IGF2R: variants seen among roughly 807,000 people sequenced by gnomAD.
IGF2R encodes the protein cation-independent mannose-6-phosphate receptor.
IGF2R carries 91 observed loss-of-function variants against 270.6 expected under a neutral mutation model. The ratio of observed to expected loss-of-function variants is 0.34; its 90% confidence interval spans 0.28 to 0.40. The LOEUF (loss-of-function observed/expected upper bound fraction) is 0.40. Ranked by LOEUF, IGF2R falls within the 10% of genes least tolerant of loss-of-function variation. The pLI, the probability that IGF2R is intolerant of heterozygous loss-of-function variation, is 1.00. For synonymous variants in IGF2R, 1,316 were observed against 1,258.9 expected (o/e 1.05, Z -0.96); for missense variants, 2,805 against 3,188.3 (o/e 0.88, Z 2.90).
chr6:160,007,526 G>A (rs1373295539), intron 2 of IGF2R: 1 of 152,182 alleles, frequency 6.6e-6, no homozygotes, highest in African/African-American at 2.4e-5. Flanking sequence ...GCTTGATCAT[G>A]TCTTGTTCAT....
chr6:160,101,628 A>G (rs1447635467), intron 45 of IGF2R, among the ~76,000 whole-genome samples: 1 of 152,254 alleles, frequency 6.6e-6, no homozygotes, highest in Non-Finnish European at 1.5e-5. Flanking sequence ...GTTGCCTCTT[A>G]TCACCAGCAG....
chr6:160,079,033 C>T (rs957030486), intron 37 of IGF2R, among the ~76,000 whole-genome samples: 1 of 152,158 alleles, frequency 6.6e-6, no homozygotes, highest in African/African-American at 2.4e-5. Context: ...TGTGGCACGG[C>T]GGCTGGTGAG....
intron 2 of IGF2R, among the ~76,000 whole-genome samples, chr6:159,992,708 A>G (rs1207963266): frequency 1.3e-5 from 2 of 152,118 alleles, no homozygotes; most frequent in Admixed American, 6.5e-5. Context: ...GCAATTATGG[A>G]TAGTGCTGTG....
chr6:160,033,497 C>T (rs183182285), intron 9 of IGF2R, among the ~76,000 whole-genome samples: 1 of 151,184 alleles, frequency 6.6e-6, no homozygotes, highest in Non-Finnish European at 1.5e-5. Context: ...CCTTTTCTTC[C>T]TCTTTCCATT....
intron 22 of IGF2R, 147 bp from the exon 23 acceptor site, chr6:160,060,400 A>G (rs1181826064): frequency 2.7e-6 from 2 of 731,342 alleles, no homozygotes; most frequent in Admixed American, 2.5e-5. Flanking sequence ...CCCTCGATAC[A>G]CACTTGGTGC....
intron 19 of IGF2R, among the ~76,000 whole-genome samples, chr6:160,054,495 A>T (rs1258906376): frequency 6.6e-6 from 1 of 152,152 alleles, no homozygotes; most frequent in Non-Finnish European, 1.5e-5. Flanking sequence ...ACAAAAAGGG[A>T]TGGACGTTGT....
At chr6:160,079,124 C>G (rs886526612) in intron 37 of IGF2R, among the ~76,000 whole-genome samples, 1 of 152,188 alleles carries the variant, frequency 6.6e-6, no homozygotes. Flanking sequence ...CAGGTCCTCC[C>G]GACAGGTGTG....
At chr6:160,079,429 C>A in intron 37 of IGF2R, 151 bp from the exon 38 acceptor site, 1 of 493,224 alleles carries the variant, frequency 2.0e-6, no homozygotes, top group Non-Finnish European at 3.2e-6. Context: ...AGCCTAGGGC[C>A]AAGGCGATTG....
At chr6:160,037,287 C>G (rs1163364344) in intron 10 of IGF2R, among the ~76,000 whole-genome samples, 1 of 152,194 alleles carries the variant, frequency 6.6e-6, no homozygotes, top group Non-Finnish European at 1.5e-5. Flanking sequence ...AGCTGGCTCT[C>G]AGGCAGGAGT....
intron 44 of IGF2R, chr6:160,093,818 G>C (rs1779285977): frequency 1.1e-5 from 8 of 733,982 alleles, no homozygotes. Flanking sequence ...GCTGTTAAGG[G>C]TGCTGTGCAT....
chr6:160,073,499 G>A lies in IGF2R; in HGVS notation c.4947+30G>A, dbSNP rs558908388. 3.7e-6 allele frequency: 6 copies of A among 1,610,570 alleles called. No homozygotes were observed. The East Asian group carries it at 1.1e-4, about 30-fold the overall frequency. ...GTTTTCAGATGGGCACGGGAGAAGT[G>A]CATGTCCAGTGCCTGGCTGCACCCG... is the stretch of plus-strand genomic sequence containing the variant. On this transcript the variant is annotated intron_variant, in intron 34 of 47. Coordinates refer to ENST00000356956, the MANE Select transcript of IGF2R (RefSeq NM_000876.4).
intron 12 of IGF2R, among the ~76,000 whole-genome samples, chr6:160,043,888 T>A (rs769812082): frequency 6.6e-6 from 1 of 152,234 alleles, no homozygotes; most frequent in Admixed American, 6.5e-5. Flanking sequence ...GTGAGCCTCG[T>A]TGGATTTTAG....
At chr6:160,085,926 T>TA (rs1386775657) in intron 41 of IGF2R, among the ~76,000 whole-genome samples, 1 of 152,250 alleles carries the variant, frequency 6.6e-6, no homozygotes, top group South Asian at 2.1e-4. Context: ...GGGAGGTTCT[T>TA]ACTGCTTTAG....
At chr6:159,983,533 T>C (rs946367133) in intron 1 of IGF2R, among the ~76,000 whole-genome samples, 10 of 152,070 alleles carry the variant, frequency 6.6e-5, no homozygotes, top group African/African-American at 2.4e-4. Flanking sequence ...GTGTGCTTGG[T>C]TTATATGGTT....
At chr6:160,032,851 A>C in intron 8 of IGF2R, 91 bp from the exon 9 acceptor site, 5 of 1,395,248 alleles carry the variant, frequency 3.6e-6, no homozygotes, top group Non-Finnish European at 4.9e-6. Flanking sequence ...TGTTTCAGAA[A>C]TAGGATTCAG....
At chr6:160,001,366 C>T (rs1429422582) in intron 2 of IGF2R, among the ~76,000 whole-genome samples, 2 of 151,990 alleles carry the variant, frequency 1.3e-5, no homozygotes, top group Non-Finnish European at 2.9e-5. Flanking sequence ...CCAGATGGGA[C>T]CATCTAGTTG....
chr6:160,022,377 G>A (rs1250934927), intron 4 of IGF2R, among the ~76,000 whole-genome samples: 4 of 152,226 alleles, frequency 2.6e-5, no homozygotes, highest in South Asian at 2.1e-4. Context: ...AACTGCACTC[G>A]GTCCTCCTAA....
At chr6:160,014,895 G>GAGCACT (rs1337177135) in intron 4 of IGF2R, among the ~76,000 whole-genome samples, 1 of 152,218 alleles carries the variant, frequency 6.6e-6, no homozygotes, top group African/African-American at 2.4e-5. Context: ...GGTACCCTCT[G>GAGCACT]AGCACTAGAG....
intron 1 of IGF2R, among the ~76,000 whole-genome samples, chr6:159,986,992 A>G (rs1215639133): frequency 4.6e-5 from 7 of 152,168 alleles, no homozygotes; most frequent in African/African-American, 1.7e-4. Flanking sequence ...ATTACATTTT[A>G]TTTAGTCTGT....
Sources: gnomAD v4.1 joint callset for allele counts (sites outside exome capture counted in the v4.1 genomes callset) on GRCh38, gnomAD v4.1.1 for gene constraint, MANE v1.5 for transcripts, NCBI Gene and HGNC (gene_info 2026-07-23, HGNC 2026-07-21) for gene names.